Variants in MYH10 observed in about 807,000 individuals in gnomAD.
The protein encoded by MYH10 is myosin heavy chain 10, also known as myosin-10.
Under a neutral mutation model 257.8 loss-of-function variants are expected in MYH10, and 55 were observed. The observed-to-expected ratio is 0.21, with a 90% CI of 0.17 to 0.27. MYH10 has a LOEUF of 0.27. MYH10 is among the 10% of genes least tolerant of loss of function. The probability of loss-of-function intolerance (pLI) is 1.00; values close to 1 mark genes in which losing one functional copy is unlikely to be tolerated. For missense variants in MYH10, 1,631 were observed against 2,500.6 expected (o/e 0.65, Z 7.42); for synonymous variants, 854 against 921.7 (o/e 0.93, Z 1.33).
chr17:8,530,560 A>T, intron 17 of MYH10, 63 bp downstream of exon 17: 1 of 628,240 alleles, frequency 1.6e-6, no homozygotes, highest in Non-Finnish European at 2.1e-6. Flanking sequence ...GTCCCCCCAC[A>T]CGTTTTTCCT....
At chr17:8,564,982 T>C (rs2083118304) in intron 7 of MYH10, among the ~76,000 whole-genome samples, 2 of 152,220 alleles carry the variant, frequency 1.3e-5, no homozygotes, top group South Asian at 4.1e-4. Flanking sequence ...CAGGATTCAC[T>C]GTTGGCCTGG....
chr17:8,478,401 C>T lies in MYH10; in HGVS notation c.5643G>A (p.Lys1881=), dbSNP rs1189746265. The change falls in exon 41 of 43, where the codon AAG becomes AAA. Residue 1881 remains lysine, a synonymous_variant. Transcript: ENST00000360416. ...CAACCTGCATGAAGATTTCTTTCAGCTTCTTCTCAGTGCGACGGACTAATT... is the reference window on the plus strand; with the variant it reads ...CAACCTGCATGAAGATTTCTTTCAGTTTCTTCTCAGTGCGACGGACTAATT... The part of the protein sequence containing the change: ...ANKLVRRTEK[K]LKEIFMQVED... 3 of 1,614,272 alleles carry T rather than the reference C, an allele frequency of 1.9e-6. No homozygotes were observed. The highest frequency in any genetic ancestry group is 3.3e-5 in the Admixed American group (2 of 60,036).
Position 8,588,709 on chromosome 17 carries a change from A to C in MYH10, c.530+372T>G, listed in dbSNP as rs150267263. On this transcript the variant is annotated intron_variant, in intron 4 of 42. Coordinates refer to ENST00000360416, the MANE Select transcript of MYH10 (RefSeq NM_001256012.3). ...CAAATCTAATTGTGTCCTGTTGTGG[A>C]TATTGTTTTATTCTGCTGTGAATGT... Among the ~76,000 whole-genome samples the C allele has an allele frequency of 1.1e-3, 169 of 152,290 alleles. 2 individuals are homozygous for C. Among genetic ancestry groups the C allele is most frequent in the Admixed American group, 7.3e-3 (112 of 15,294 alleles).
At chr17:8,558,967 G>C (rs1169668319) in intron 7 of MYH10, among the ~76,000 whole-genome samples, 1 of 152,052 alleles carries the variant, frequency 6.6e-6, no homozygotes, top group African/African-American at 2.4e-5. Flanking sequence ...CAAGATTAAA[G>C]AATACTGTTA....
intron 12 of MYH10, among the ~76,000 whole-genome samples, chr17:8,546,013 G>C (rs2082431243): frequency 2.0e-5 from 3 of 152,014 alleles, no homozygotes; most frequent in African/African-American, 7.2e-5. Context: ...GGGAAAACTA[G>C]AGATTATAAT....
chr17:8,626,825 G>A (rs972326785), intron 1 of MYH10, among the ~76,000 whole-genome samples: 7 of 151,892 alleles, frequency 4.6e-5, no homozygotes, highest in African/African-American at 1.7e-4. Context: ...GAGCACTTAG[G>A]AAACTGTCTT....
intron 35 of MYH10, among the ~76,000 whole-genome samples, chr17:8,489,743 A>ACACACACACACACACCCC (rs1437818172): frequency 6.7e-6 from 1 of 150,162 alleles, no homozygotes. Flanking sequence ...ACACACACAC[A>ACACACACACACACACCCC]CACCCCAAAT....
chr17:8,611,379 C>T (rs1213675298), intron 2 of MYH10, among the ~76,000 whole-genome samples: 1 of 152,144 alleles, frequency 6.6e-6, no homozygotes, highest in Non-Finnish European at 1.5e-5. Context: ...AATAACTGGG[C>T]ATATGAGGCA....
intron 38 of MYH10, 179 bp from the exon 39 acceptor site, chr17:8,480,704 A>G: frequency 1.4e-6 from 1 of 737,566 alleles, no homozygotes; most frequent in Non-Finnish European, 2.2e-6. Context: ...ACTTCCAAAC[A>G]CCCTCCCCCG....
chr17:8,544,713 A>G (rs1293361673), intron 13 of MYH10, among the ~76,000 whole-genome samples: 1 of 152,204 alleles, frequency 6.6e-6, no homozygotes, highest in Non-Finnish European at 1.5e-5. Context: ...TATTTATGGA[A>G]ATAAAGATAT....
chr17:8,554,759 G>A (rs1597815175), intron 7 of MYH10, among the ~76,000 whole-genome samples: 1 of 152,130 alleles, frequency 6.6e-6, no homozygotes, highest in South Asian at 2.1e-4. Context: ...AGACCAGCCC[G>A]GCCAATACGG....
intron 4 of MYH10, among the ~76,000 whole-genome samples, chr17:8,582,461 T>C (rs1303276107): frequency 6.6e-6 from 1 of 152,180 alleles, no homozygotes; most frequent in Non-Finnish European, 1.5e-5. Flanking sequence ...GACAGGACTA[T>C]GGTTAAGGGG....
chr17:8,489,745 A>ACACACACACCC (rs1258993754), intron 35 of MYH10, among the ~76,000 whole-genome samples: 1 of 150,700 alleles, frequency 6.6e-6, no homozygotes, highest in African/African-American at 2.5e-5. Flanking sequence ...ACACACACAC[A>ACACACACACCC]CCCCAAATCC....
At chr17:8,531,556 CTTT>C (rs11420469) in intron 16 of MYH10, among the ~76,000 whole-genome samples, 1 of 143,768 alleles carries the variant, frequency 7.0e-6, no homozygotes, top group Admixed American at 7.0e-5. Context: ...TTTTCTTTTT[CTTT>C]TTTTTTTTTT....
chr17:8,578,758 A>G (rs1254169152), intron 4 of MYH10, among the ~76,000 whole-genome samples: 1 of 152,164 alleles, frequency 6.6e-6, no homozygotes, highest in African/African-American at 2.4e-5. Context: ...CAAACACTGA[A>G]GCTCCCCTAA....
intron 40 of MYH10, 65 bp downstream of exon 40, chr17:8,480,045 G>T (rs935737750): frequency 1.3e-5 from 20 of 1,533,574 alleles, no homozygotes; most frequent in African/African-American, 2.7e-5. Flanking sequence ...AAAGGGGCAT[G>T]CCTGTTTTGT....
At chr17:8,607,074 G>A (rs770028272) in intron 2 of MYH10, among the ~76,000 whole-genome samples, 2 of 152,128 alleles carry the variant, frequency 1.3e-5, no homozygotes, top group Non-Finnish European at 2.9e-5. Context: ...ACAAAGGAGA[G>A]GCAACCTCAA....
rs574647848 is a variant in MYH10 at position 8,481,182 on chromosome 17, G to T, written c.5264+140C>A. The T allele has an allele frequency of 1.4e-5, 10 of 707,824 alleles. No homozygotes were observed. The South Asian group carries it at 1.7e-4, about 12-fold the overall frequency. The allele number at this position is 707,824 out of a possible 1,614,324, so 43.8% of individuals were successfully genotyped here. A position where few individuals can be genotyped will look rare whatever the true frequency, so the allele number is the denominator to read the frequency against. ...CAGGGCTCGGCAGGACTGGCACGGG[G>T]TACCATGGCTGAGGCAGCCCAGGCC... On this transcript the variant is annotated intron_variant, in intron 38 of 42. Transcript: ENST00000360416.
chr17:8,593,232 C>T (rs2084239358), intron 3 of MYH10, among the ~76,000 whole-genome samples: 1 of 151,888 alleles, frequency 6.6e-6, no homozygotes, highest in African/African-American at 2.4e-5. Context: ...TTAATATCCT[C>T]TTTAATAGTG....
Sources: allele counts gnomAD v4.1 joint callset (sites outside exome capture counted in the v4.1 genomes callset), GRCh38; gene constraint gnomAD v4.1.1; transcripts MANE v1.5; gene names NCBI Gene and HGNC (gene_info 2026-07-23, HGNC 2026-07-21).